The following ERBB4 variants were observed in gnomAD, a reference collection of about 807,000 sequenced individuals.
The protein encoded by ERBB4 is receptor tyrosine-protein kinase erbB-4.
ERBB4 carries 42 observed loss-of-function variants against 158.0 expected under a neutral mutation model. That is an observed-to-expected ratio of 0.27 (90% CI 0.21 to 0.34). The LOEUF is 0.34. Ranked by LOEUF, ERBB4 falls within the 10% of genes least tolerant of loss-of-function variation. The pLI is 1.00. For synonymous variants in ERBB4, 583 were observed against 558.7 expected, an observed-to-expected ratio of 1.04 and a Z score of -0.61; for missense variants, 1,333 against 1,624.1, an observed-to-expected ratio of 0.82 and a Z score of 3.08.
At chr2:211,866,551 A>C (rs1297699854) in intron 3 of ERBB4, among the ~76,000 whole-genome samples, 1 of 152,164 alleles carries the variant, frequency 6.6e-6, no homozygotes, top group Non-Finnish European at 1.5e-5. Context: ...ATAATGCAAC[A>C]ATTGCTCTAC....
intron 3 of ERBB4, among the ~76,000 whole-genome samples, chr2:211,897,798 C>T (rs551779846): frequency 6.8e-4 from 103 of 152,162 alleles, no homozygotes; most frequent in African/African-American, 2.3e-3. Flanking sequence ...GGCTGGAGTG[C>T]AGTGGCATAA....
rs758200112 is a variant in ERBB4, at chr2:211,997,259, C to T, written c.235-49643G>A. On this transcript the variant is annotated intron_variant, in intron 2 of 27. Coordinates refer to ENST00000342788, the MANE Select transcript of ERBB4 (RefSeq NM_005235.3). ...CAGAATTCATAGGAAGCATCAGGAA[C>T]GTGGATTCATTCCATTTTATAAAAA... Among the ~76,000 whole-genome samples the T allele has an allele frequency of 5.9e-5, 9 of 152,124 alleles. No homozygotes were observed. The Middle Eastern group carries it at 0.01, about 174-fold the overall frequency.
chr2:212,482,173 C>T (rs1265965724), intron 1 of ERBB4, among the ~76,000 whole-genome samples: 3 of 152,194 alleles, frequency 2.0e-5, no homozygotes, highest in Non-Finnish European at 4.4e-5. Context: ...AGATGTGCTT[C>T]ACTTGCAAAT....
At chr2:211,956,840 T>A (rs1204512383) in intron 2 of ERBB4, among the ~76,000 whole-genome samples, 1 of 152,028 alleles carries the variant, frequency 6.6e-6, no homozygotes, top group African/African-American at 2.4e-5. Flanking sequence ...CATGTATATA[T>A]TTGTTTGTTT....
In ERBB4 at chr2:212,500,179, C is replaced by G. The variant is rs1690808290; in HGVS notation, c.82+38270G>C. ...ATATAGACTGCCTCAGGTAAATTAT[C>G]TACCATTTCACTGAAGCAGTTTATT... is the stretch of plus-strand genomic sequence containing the variant. On this transcript the variant is annotated intron_variant, in intron 1 of 27. Coordinates refer to ENST00000342788, the MANE Select transcript of ERBB4 (RefSeq NM_005235.3). 2.0e-5 allele frequency among the ~76,000 whole-genome samples: 3 copies of G among 152,196 alleles called. No homozygotes were observed. In the South Asian group the frequency reaches 6.2e-4, roughly 32 times the overall value.
At chr2:212,002,909 A>T (rs191755535) in intron 2 of ERBB4, among the ~76,000 whole-genome samples, 223 of 151,736 alleles carry the variant, frequency 1.5e-3, no homozygotes, top group Non-Finnish European at 2.6e-3. Context: ...AAGTAAAAAA[A>T]TATTAGCTGG....
intron 3 of ERBB4, among the ~76,000 whole-genome samples, chr2:211,938,338 G>T (rs1226463414): frequency 6.6e-6 from 1 of 152,068 alleles, no homozygotes; most frequent in East Asian, 1.9e-4. Context: ...TTTGACTCAG[G>T]GAGCCCAGAT....
At chr2:212,417,792 A>G (rs1280480987) in intron 1 of ERBB4, among the ~76,000 whole-genome samples, 1 of 152,052 alleles carries the variant, frequency 6.6e-6, no homozygotes, top group Non-Finnish European at 1.5e-5. Flanking sequence ...TTAATGACAC[A>G]GAAATAAGTT....
intron 3 of ERBB4, among the ~76,000 whole-genome samples, chr2:211,821,043 G>T (rs934855617): frequency 6.6e-6 from 1 of 151,774 alleles, no homozygotes; most frequent in Non-Finnish European, 1.5e-5. Context: ...AGAAGTCTTA[G>T]CCAGAGTAAT....
At chr2:212,378,143 T>C (rs1277337626) in intron 1 of ERBB4, among the ~76,000 whole-genome samples, 1 of 151,750 alleles carries the variant, frequency 6.6e-6, no homozygotes, top group Non-Finnish European at 1.5e-5. Flanking sequence ...CACTAGGCAA[T>C]AGAAATTGTT....
intron 2 of ERBB4, among the ~76,000 whole-genome samples, chr2:212,009,609 C>T (rs1187572318): frequency 6.6e-6 from 1 of 152,080 alleles, no homozygotes; most frequent in Non-Finnish European, 1.5e-5. Flanking sequence ...ATTTTCAAAA[C>T]AGTCTATTTT....
intron 1 of ERBB4, among the ~76,000 whole-genome samples, chr2:212,236,535 G>A (rs2083881770): frequency 6.6e-6 from 1 of 152,166 alleles, no homozygotes; most frequent in African/African-American, 2.4e-5. Context: ...AATTTCAGAA[G>A]GAATGGCACA....
At position 211,644,015 on chromosome 2, in the gene ERBB4, T is replaced by G. The variant is rs369775786; in HGVS notation, c.1947-13421A>C. Among the ~76,000 whole-genome samples, 235 of 152,118 alleles carry G rather than the reference T, an allele frequency of 1.5e-3. 1 individual carries two copies. The highest frequency in any genetic ancestry group is 5.4e-3 in the African/African-American group (226 of 41,534). On this transcript the variant is annotated intron_variant, in intron 16 of 27. Transcript: ENST00000342788. ...ACACAGGTCTTCATTAGCATTTAAT[T>G]TGGCAAAACAAGAACATCCAAGTTT...
At chr2:211,452,497 C>T (rs1218188912) in intron 20 of ERBB4, among the ~76,000 whole-genome samples, 1 of 152,126 alleles carries the variant, frequency 6.6e-6, no homozygotes, top group Non-Finnish European at 1.5e-5. Context: ...TTTCTAAATG[C>T]ACCCTATTTC....
chr2:212,219,881 A>G (rs2083236040), intron 1 of ERBB4, among the ~76,000 whole-genome samples: 1 of 151,196 alleles, frequency 6.6e-6, no homozygotes, highest in Admixed American at 6.6e-5. Context: ...TGACAGTTTT[A>G]TAACTTCAAA....
chr2:212,527,466 G>A (rs910462758), intron 1 of ERBB4, among the ~76,000 whole-genome samples: 1 of 151,914 alleles, frequency 6.6e-6, no homozygotes, highest in Non-Finnish European at 1.5e-5. Context: ...CAAAAAAATT[G>A]TATAATGACA....
chr2:212,446,995 CT>C (rs771259936), intron 1 of ERBB4, among the ~76,000 whole-genome samples: 21,691 of 136,474 alleles, frequency 0.16, 1,663 homozygotes, highest in Non-Finnish European at 0.2. Context: ...CCAAATTTTT[CT>C]TTTTTTTTTT....
At chr2:211,848,797 G>C (rs1238329919) in intron 3 of ERBB4, among the ~76,000 whole-genome samples, 1 of 152,016 alleles carries the variant, frequency 6.6e-6, no homozygotes, top group Non-Finnish European at 1.5e-5. Flanking sequence ...AGGGGTGGTG[G>C]AGTGTAATGC....
chr2:211,546,820 T>C (rs1267758750), intron 20 of ERBB4, among the ~76,000 whole-genome samples: 1 of 152,142 alleles, frequency 6.6e-6, no homozygotes, highest in African/African-American at 2.4e-5. Context: ...TCCAGAATAT[T>C]GTATGCCCAT....
Sources: gnomAD v4.1 joint callset for allele counts (sites outside exome capture counted in the v4.1 genomes callset) on GRCh38, gnomAD v4.1.1 for gene constraint, MANE v1.5 for transcripts, NCBI Gene and HGNC (gene_info 2026-07-23, HGNC 2026-07-21) for gene names.